CBX5: variants seen among roughly 807,000 people sequenced by gnomAD.
CBX5 encodes the protein chromobox protein homolog 5.
In CBX5, 7 loss-of-function variants were observed where a neutral mutation model predicts 20.7. That is an observed-to-expected ratio of 0.34 (90% CI 0.19 to 0.63). The LOEUF is 0.63. Ranked by LOEUF, CBX5 falls within the 30% of genes least tolerant of loss-of-function variation. The pLI, the probability that CBX5 is intolerant of heterozygous loss-of-function variation, is 0.75. For missense variants in CBX5, 110 were observed against 224.1 expected (o/e 0.49, Z 3.25); for synonymous variants, 78 against 77.0 (o/e 1.01, Z -0.07).
chr12:54,272,237 C>T (rs1191627912), intron 1 of CBX5: 1 of 152,116 alleles, frequency 6.6e-6, no homozygotes, highest in Admixed American at 6.5e-5. Flanking sequence ...ATACTTGAAT[C>T]CAATTTGGTT....
At chr12:54,259,297 T>G (rs1943892627) in intron 1 of CBX5, 1 of 152,148 alleles carries the variant, frequency 6.6e-6, no homozygotes, top group Non-Finnish European at 1.5e-5. Context: ...CTGAGCAGTT[T>G]AGGTCAGAGC....
chr12:54,235,298 T>A lies in CBX5; in HGVS notation c.*6457A>T, dbSNP rs987033342. ...TGTATTTCTGGCAAAGGTTTCCACA[T>A]AACTGATACAATTCTCTGCTTAGAA... On this transcript the variant is annotated 3_prime_UTR_variant, in exon 5 of 5. Coordinates refer to ENST00000209875, the MANE Select transcript of CBX5 (RefSeq NM_012117.3). 6.6e-6 allele frequency: 1 copy of A among 152,218 alleles called. No individual in the cohort carries two copies. The highest frequency in any genetic ancestry group is 1.5e-5 in the Non-Finnish European group (1 of 68,040). The allele number at this position is 152,218 out of a possible 1,614,324, so 9.4% of individuals were successfully genotyped here. A position where few individuals can be genotyped will look rare whatever the true frequency, so the allele number is the denominator to read the frequency against.
chr12:54,269,959 G>T (rs889066241), intron 1 of CBX5, among the ~76,000 whole-genome samples: 1 of 152,086 alleles, frequency 6.6e-6, no homozygotes, highest in Non-Finnish European at 1.5e-5. Flanking sequence ...GAATGTATTC[G>T]TATCGTTTTT....
intron 2 of CBX5, among the ~76,000 whole-genome samples, chr12:54,254,166 C>A (rs1943840336): frequency 6.6e-6 from 1 of 151,558 alleles, no homozygotes. Flanking sequence ...AATCCCAGTA[C>A]TTTGGGAGGC....
chr12:54,250,410 A>T (rs1319546509), intron 3 of CBX5, among the ~76,000 whole-genome samples: 1 of 151,958 alleles, frequency 6.6e-6, no homozygotes, highest in Non-Finnish European at 1.5e-5. Flanking sequence ...ACTCTGTCTC[A>T]AAATAAATAA....
Position 54,231,209 on chromosome 12 carries a change from A to G in CBX5, c.*10546T>C, listed in dbSNP as rs1943565217. On this transcript the variant is annotated 3_prime_UTR_variant, in exon 5 of 5. Coordinates refer to ENST00000209875, the MANE Select transcript of CBX5 (RefSeq NM_012117.3). The stretch of plus-strand genomic sequence containing the variant: ...AACTCCCCCATAAACCTAAAAGTCC[A>G]TGGAGAATTCAATTTCTCATTTCCA... 1 of 152,308 alleles carries G rather than the reference A, an allele frequency of 6.6e-6. No homozygotes were observed. The highest frequency in any genetic ancestry group is 1.5e-5 in the Non-Finnish European group (1 of 68,036). The allele number at this position is 152,308 out of a possible 1,614,324, so 9.4% of individuals were successfully genotyped here.
At position 54,237,877 on chromosome 12, in the gene CBX5, T is replaced by C. The variant is rs1490238625; in HGVS notation, c.*3878A>G. 1.3e-5 allele frequency: 2 copies of C among 152,242 alleles called. No homozygotes were observed. Among genetic ancestry groups the C allele is most frequent in the African/African-American group, 2.4e-5 (1 of 41,446 alleles). The allele number at this position is 152,242 out of a possible 1,614,324, so 9.4% of individuals were successfully genotyped here. On this transcript the variant is annotated 3_prime_UTR_variant, in exon 5 of 5. Coordinates refer to ENST00000209875, the MANE Select transcript of CBX5 (RefSeq NM_012117.3). ...CATGAGAGCAAACAAATAATGACAA[T>C]TTTATTTTTGTCCACAAAAATTTAA...
chr12:54,261,568 T>C (rs1943916292), intron 1 of CBX5, among the ~76,000 whole-genome samples: 1 of 152,222 alleles, frequency 6.6e-6, no homozygotes, highest in Admixed American at 6.5e-5. Flanking sequence ...GTGCTGGGAT[T>C]ACAGGCATGA....
chr12:54,242,497 C>A (rs1262634636), intron 4 of CBX5, among the ~76,000 whole-genome samples: 1 of 144,218 alleles, frequency 6.9e-6, no homozygotes, highest in Non-Finnish European at 1.5e-5. Context: ...TGCACTCTAG[C>A]CTGAGCAACA....
intron 1 of CBX5, chr12:54,276,873 G>C (rs757721284): frequency 6.6e-6 from 1 of 152,132 alleles, no homozygotes; most frequent in South Asian, 2.1e-4. Context: ...GGATCCAAAA[G>C]AATCCCAGGA....
intron 4 of CBX5, among the ~76,000 whole-genome samples, chr12:54,243,345 G>A (rs1943698272): frequency 6.6e-6 from 1 of 152,142 alleles, no homozygotes; most frequent in African/African-American, 2.4e-5. Flanking sequence ...GGAGGCCGAG[G>A]TGAGAAAAGC....
rs1044805188 is a variant in CBX5 at position 54,234,329 on chromosome 12, T to C, written c.*7426A>G. ...AGGTGCTAAGAAAGTTTAAGACTGA[T>C]CTTTTGGCAATGACAGTTTAGGTTA... On this transcript the variant is annotated 3_prime_UTR_variant, in exon 5 of 5. Transcript: ENST00000209875. The C allele has an allele frequency of 7.9e-5, 12 of 151,560 alleles. No individual in the cohort carries two copies. The highest frequency in any genetic ancestry group is 1.8e-4 in the Non-Finnish European group (12 of 67,938). The allele number at this position is 151,560 out of a possible 1,614,324, so 9.4% of individuals were successfully genotyped here.
chr12:54,260,599 A>G (rs1165268257), intron 1 of CBX5, among the ~76,000 whole-genome samples: 3 of 152,098 alleles, frequency 2.0e-5, no homozygotes, highest in African/African-American at 7.2e-5. Context: ...ATAAATTTAA[A>G]CCACTTATAG....
At chr12:54,271,508 T>C (rs1371141011) in intron 1 of CBX5, among the ~76,000 whole-genome samples, 1 of 152,108 alleles carries the variant, frequency 6.6e-6, no homozygotes, top group South Asian at 2.1e-4. Flanking sequence ...GTATTTTTAG[T>C]AGACAGGGTT....
At chr12:54,245,293 G>A (rs968318791) in intron 4 of CBX5, among the ~76,000 whole-genome samples, 13 of 152,006 alleles carry the variant, frequency 8.6e-5, no homozygotes, top group African/African-American at 3.1e-4. Context: ...TTACAGGTGT[G>A]AGCCACTGCA....
At chr12:54,243,460 C>T (rs530467464) in intron 4 of CBX5, among the ~76,000 whole-genome samples, 1 of 152,148 alleles carries the variant, frequency 6.6e-6, no homozygotes, top group Non-Finnish European at 1.5e-5. Context: ...ACTCAGGAGA[C>T]TGAGGTAGGA....
At chr12:54,243,672 C>T (rs1016008447) in intron 4 of CBX5, among the ~76,000 whole-genome samples, 1 of 152,098 alleles carries the variant, frequency 6.6e-6, no homozygotes, top group African/African-American at 2.4e-5. Flanking sequence ...AGTTCGAGAC[C>T]AGCCTGGCCA....
intron 1 of CBX5, among the ~76,000 whole-genome samples, chr12:54,264,082 G>A (rs770239377): frequency 1.5e-4 from 23 of 152,314 alleles, no homozygotes; most frequent in Admixed American, 7.8e-4. Context: ...AGCATTGACC[G>A]TTTAATGCTG....
intron 2 of CBX5, among the ~76,000 whole-genome samples, chr12:54,254,895 G>GT (rs1404452064): frequency 6.6e-6 from 1 of 151,850 alleles, no homozygotes; most frequent in African/African-American, 2.4e-5. Context: ...TCCTCACACA[G>GT]TAACTTTCCC....
Sources: gnomAD v4.1 joint callset for allele counts (sites outside exome capture counted in the v4.1 genomes callset) on GRCh38, gnomAD v4.1.1 for gene constraint, MANE v1.5 for transcripts, NCBI Gene and HGNC (gene_info 2026-07-23, HGNC 2026-07-21) for gene names.